ZNF596: variants seen among roughly 807,000 people sequenced by gnomAD.
ZNF596 encodes zinc finger protein 596.
A neutral mutation model predicts 48.3 loss-of-function variants in ZNF596; 45 were observed. The ratio of observed to expected loss-of-function variants is 0.93; its 90% confidence interval spans 0.73 to 1.19. ZNF596 has a LOEUF of 1.19. Ranked by LOEUF, ZNF596 falls within the 50% of genes most tolerant of loss-of-function variation. The pLI, the probability that ZNF596 is intolerant of heterozygous loss-of-function variation, is 0.00. For synonymous variants in ZNF596, 270 were observed against 202.0 expected (o/e 1.34, Z -2.85); for missense variants, 848 against 599.7 (o/e 1.41, Z -4.32).
intron 3 of ZNF596, chr8:243,432 A>G (rs1194970691): frequency 2.9e-6 from 1 of 340,620 alleles, no homozygotes; most frequent in Non-Finnish European, 5.4e-6. Context: ...ATAATGTCAA[A>G]TACTATGACA....
At chr8:235,906 T>G (rs1228262368) in intron 1 of ZNF596, among the ~76,000 whole-genome samples, 3 of 152,168 alleles carry the variant, frequency 2.0e-5, no homozygotes, top group Non-Finnish European at 4.4e-5. Context: ...TTTTTTCTTT[T>G]CACAACTATT....
At position 245,805 on chromosome 8, in the gene ZNF596, T is replaced by A; in HGVS notation, c.958T>A (p.Ser320Thr). The A allele has an allele frequency of 6.2e-7, 1 of 1,614,152 alleles. No individual in the cohort carries two copies. The highest frequency in any genetic ancestry group is 8.5e-7 in the Non-Finnish European group (1 of 1,180,024). Residue 320 changes from serine (S) to threonine (T), a missense_variant, in exon 6 of 6, where the codon TCT (serine) becomes ACT (threonine). Transcript: ENST00000398612. Reference sequence around the variant, plus strand: ...ATGTGGGAAGGCTTTCAGTAAATGTTCTTACCTTAGACAACATGAAAGAAC... The same window carrying A: ...ATGTGGGAAGGCTTTCAGTAAATGTACTTACCTTAGACAACATGAAAGAAC... ...LLCGKAFSKC[S>T]YLRQHERTHN...
At position 241,035 on chromosome 8, in the gene ZNF596, G is replaced by T. The variant is rs1423888297; in HGVS notation, c.12+128G>T. ...CCAAGCTCCAATTAAGATTCCCCAG[G>T]GCTTCGGAATGTTTACATTGGCTCA... On this transcript the variant is annotated intron_variant, in intron 2 of 5. Transcript: ENST00000398612. 5.9e-6 allele frequency: 7 copies of T among 1,179,960 alleles called. No homozygotes were observed. The African/African-American group carries it at 1.1e-4, about 18-fold the overall frequency. 73.1% of individuals were successfully genotyped at this position (1,179,960 alleles called of 1,614,324 possible).
rs1796885869 is a variant in ZNF596, at chr8:242,360, T to C, written c.13-527T>C. Reference sequence around the variant, plus strand: ...TTTCATGAATAATGTATTTGTGGCTTGTATCTAAAAAGTGATAGATAGGAA... The same window carrying C: ...TTTCATGAATAATGTATTTGTGGCTCGTATCTAAAAAGTGATAGATAGGAA... On this transcript the variant is annotated intron_variant, in intron 2 of 5. Coordinates refer to ENST00000398612, the MANE Select transcript of ZNF596 (RefSeq NM_001042416.3). Among the ~76,000 whole-genome samples, 3 of 152,252 alleles carry C rather than the reference T, an allele frequency of 2.0e-5. No homozygotes were observed. In the South Asian group the frequency reaches 6.2e-4, roughly 32 times the overall value.
chr8:245,456 C>G lies in ZNF596; in HGVS notation c.609C>G (p.Thr203=), dbSNP rs778696621. The G allele has an allele frequency of 1.2e-6, 2 of 1,614,182 alleles. No individual in the cohort carries two copies. Among genetic ancestry groups the G allele is most frequent in the Admixed American group, 1.7e-5 (1 of 60,024 alleles). Residue 203 remains threonine (T), a synonymous_variant, in exon 6 of 6, where the codon ACC becomes ACG. Coordinates refer to ENST00000398612, the MANE Select transcript of ZNF596 (RefSeq NM_001042416.3). Reference sequence around the variant, plus strand: ...TGGAATGTCGTGTGTGTGGGAAAACCTTTAGCAAAAATTCTAATCTTAGGC... The same window carrying G: ...TGGAATGTCGTGTGTGTGGGAAAACGTTTAGCAAAAATTCTAATCTTAGGC... ...ITLECRVCGK[T]FSKNSNLRRH...
Position 244,650 on chromosome 8 carries a change from AC to A in ZNF596, c.257del (p.Pro86HisfsTer17). On this transcript the variant is annotated frameshift_variant, in exon 5 of 6. Transcript: ENST00000398612. LOFTEE classifies it high-confidence loss of function. ...REVGIKHQEIPFIQHIYQKGT... is the reference protein window; with the variant it reads ...REVGIKHQEIXFIQHIYQKGT... Reference sequence around the variant, plus strand: ...AAGTTGGCATTAAACATCAAGAGATACCATTCATTCAACATATCTATCAGAA... The same window carrying A: ...AAGTTGGCATTAAACATCAAGAGATACATTCATTCAACATATCTATCAGAA... 6.2e-7 allele frequency: 1 copy of A among 1,613,432 alleles called. No homozygotes were observed. The highest frequency in any genetic ancestry group is 1.1e-5 in the South Asian group (1 of 90,984).
intron 1 of ZNF596, among the ~76,000 whole-genome samples, chr8:238,947 T>G (rs1202531365): frequency 1.3e-5 from 2 of 151,940 alleles, no homozygotes; most frequent in Non-Finnish European, 2.9e-5. Context: ...AACATGAGAA[T>G]ATCAACAAAG....
intron 4 of ZNF596, chr8:244,218 T>C (rs1203727405): frequency 4.6e-6 from 1 of 219,426 alleles, no homozygotes; most frequent in Admixed American, 5.7e-5. Flanking sequence ...GCAGTGTTTC[T>C]GAAATGTAGG....
rs763219046 is a variant in ZNF596 at position 246,233 on chromosome 8, T to G, written c.1386T>G (p.Phe462Leu). ...CGKAFNRSYNFRLHRRVHTGE... is the reference protein window; with the variant it reads ...CGKAFNRSYNLRLHRRVHTGE... ...AAGCCTTCAATAGAAGTTACAACTT[T>G]AGACTTCATAGAAGAGTTCACACTG... The change falls in exon 6 of 6, where the codon TTT becomes TTG. Residue 462 changes from phenylalanine to leucine, a missense_variant. Physicochemically the swap from Phe to Leu is conservative, Grantham distance 22. Coordinates refer to ENST00000398612, the MANE Select transcript of ZNF596 (RefSeq NM_001042416.3). 16 of 1,614,144 alleles carry G rather than the reference T, an allele frequency of 9.9e-6. No homozygotes were observed. Among genetic ancestry groups the G allele is most frequent in the Middle Eastern group, 1.7e-4 (1 of 6,060 alleles).
rs756668508 is a variant in ZNF596, at chr8:245,240, T to G, written c.393T>G (p.Ile131Met). 5.0e-6 allele frequency: 8 copies of G among 1,613,918 alleles called. No individual in the cohort carries two copies. The African/African-American group carries it at 9.3e-5, about 19-fold the overall frequency. ...TQHIALTQNV[I>M]TYMRTKHFVS... ...ATATAGCATTGACTCAAAATGTGAT[T>G]ACCTACATGAGAACGAAACACTTTG... Residue 131 changes from isoleucine (I) to methionine (M), a missense_variant, in exon 6 of 6, where the codon ATT (isoleucine) becomes ATG (methionine). Physicochemically the swap from Ile to Met is conservative, Grantham distance 10 (BLOSUM62 1). Transcript: ENST00000398612.
intron 1 of ZNF596, chr8:233,328 C>G: frequency 3.1e-6 from 1 of 323,138 alleles, no homozygotes. Context: ...AGATGGTTTT[C>G]TGATTTCCAA....
At chr8:244,754 A>C (rs376885651) in intron 5 of ZNF596, 53 bp downstream of exon 5, 1 of 1,486,138 alleles carries the variant, frequency 6.7e-7, no homozygotes, top group South Asian at 1.2e-5. Flanking sequence ...CTGGACATTA[A>C]ACAACTTTGG....
rs144431046 is a variant in ZNF596, at chr8:242,017, C to T, written c.13-870C>T. On this transcript the variant is annotated intron_variant, in intron 2 of 5. Transcript: ENST00000398612. ...AAGTTCACCCCCATGATTCAATCACCTCCCACCGGACCCCTCCCCCAACAT... is the reference window on the plus strand; with the variant it reads ...AAGTTCACCCCCATGATTCAATCACTTCCCACCGGACCCCTCCCCCAACAT... Among the ~76,000 whole-genome samples the T allele has an allele frequency of 3.3e-3, 496 of 152,280 alleles. 6 individuals carry two copies. The highest frequency in any genetic ancestry group is 0.012 in the African/African-American group (481 of 41,574).
chr8:241,733 T>C (rs894423432), intron 2 of ZNF596, among the ~76,000 whole-genome samples: 1 of 152,176 alleles, frequency 6.6e-6, no homozygotes, highest in Non-Finnish European at 1.5e-5. Context: ...ACCTAGTGCA[T>C]TAGTCCATTT....
chr8:245,766 T>C lies in ZNF596; in HGVS notation c.919T>C (p.Tyr307His). ...GAGAACTCACTTAGGAGATAAACCATATGGATGTCTCCTATGTGGGAAGGC... is the reference window on the plus strand; with the variant it reads ...GAGAACTCACTTAGGAGATAAACCACATGGATGTCTCCTATGTGGGAAGGC... Reference protein sequence around the residue: ...HERTHLGDKPYGCLLCGKAFS... With the variant: ...HERTHLGDKPHGCLLCGKAFS... Residue 307 changes from tyrosine to histidine, a missense_variant, in exon 6 of 6, where the codon TAT becomes CAT. Coordinates refer to ENST00000398612, the MANE Select transcript of ZNF596 (RefSeq NM_001042416.3). 3.1e-6 allele frequency: 5 copies of C among 1,614,116 alleles called. No homozygotes were observed. In the South Asian group the frequency reaches 3.3e-5, roughly 11 times the overall value.
At position 246,507 on chromosome 8, in the gene ZNF596, G is replaced by A. The variant is rs1178273923; in HGVS notation, c.*145G>A. 20 of 1,067,876 alleles carry A rather than the reference G, an allele frequency of 1.9e-5. 1 individual carries two copies. In the Admixed American group the frequency reaches 5.2e-4, roughly 28 times the overall value. The allele number at this position is 1,067,876 out of a possible 1,614,324, so 66.2% of individuals were successfully genotyped here. On this transcript the variant is annotated 3_prime_UTR_variant, in exon 6 of 6. Transcript: ENST00000398612. ...ATGAATTCAAGGTAGAGAGAATCCA[G>A]ATGTATTTAATGTTTATGGCACAAA...
intron 1 of ZNF596, among the ~76,000 whole-genome samples, chr8:233,998 T>A (rs1275737656): frequency 6.6e-6 from 1 of 152,072 alleles, no homozygotes; most frequent in Non-Finnish European, 1.5e-5. Flanking sequence ...GACACACACA[T>A]AGTGACACAA....
chr8:243,079 T>C, intron 3 of ZNF596, 66 bp downstream of exon 3: 6 of 1,438,076 alleles, frequency 4.2e-6, no homozygotes, highest in Non-Finnish European at 5.7e-6. Context: ...TTTTCACTGA[T>C]TCATTCTTTC....
At chr8:239,287 C>T (rs890851159) in intron 1 of ZNF596, among the ~76,000 whole-genome samples, 2 of 152,192 alleles carry the variant, frequency 1.3e-5, no homozygotes, top group African/African-American at 2.4e-5. Context: ...CTCCCAGGTT[C>T]AAGCGATTCT....
Sources: allele counts gnomAD v4.1 joint callset (sites outside exome capture counted in the v4.1 genomes callset), GRCh38; gene constraint gnomAD v4.1.1; transcripts MANE v1.5; gene names NCBI Gene and HGNC (gene_info 2026-07-23, HGNC 2026-07-21).